The following TXNRD1 variants were observed in gnomAD, a reference collection of about 807,000 sequenced individuals.
The protein encoded by TXNRD1 is thioredoxin reductase 1, cytoplasmic.
TXNRD1 carries 57 observed loss-of-function variants against 80.3 expected under a neutral mutation model. That is an observed-to-expected ratio of 0.71 (90% confidence interval 0.57 to 0.89). TXNRD1 has a LOEUF of 0.89. Among genes scored for constraint, TXNRD1 ranks in the 40% least tolerant of loss-of-function variants. The pLI is 0.00. For synonymous variants in TXNRD1, 291 were observed against 285.2 expected, an observed-to-expected ratio of 1.02 and a Z score of -0.20; for missense variants, 730 against 803.0, an observed-to-expected ratio of 0.91 and a Z score of 1.10.
intron 1 of TXNRD1, among the ~76,000 whole-genome samples, chr12:104,246,483 A>T (rs564224017): frequency 4.0e-5 from 6 of 150,810 alleles, no homozygotes; most frequent in Non-Finnish European, 8.8e-5. Flanking sequence ...TCAAGTCATC[A>T]TTGCCATACT....
chr12:104,288,914 G>A lies in TXNRD1; in HGVS notation c.305-17G>A. ...AGAAGCACCTTACACGCTCCGCTCT[G>A]CTTTTGTGCCACACAGAGGACGGTC... On this transcript the variant is annotated splice_polypyrimidine_tract_variant and intron_variant, in intron 3 of 16. Transcript: ENST00000525566. 1 of 1,613,996 alleles carries A rather than the reference G, an allele frequency of 6.2e-7. No homozygotes were observed. The highest frequency in any genetic ancestry group is 8.5e-7 in the Non-Finnish European group (1 of 1,179,860).
At chr12:104,313,003 T>G (rs1036695615) in intron 5 of TXNRD1, among the ~76,000 whole-genome samples, 1 of 152,172 alleles carries the variant, frequency 6.6e-6, no homozygotes, top group Non-Finnish European at 1.5e-5. Context: ...TTCCAGCTGA[T>G]TCTAACAATT....
intron 4 of TXNRD1, chr12:104,304,756 G>C: frequency 1.9e-6 from 3 of 1,613,958 alleles, no homozygotes; most frequent in Non-Finnish European, 2.5e-6. Context: ...CAAGAATAAG[G>C]CTTGATGAAG....
At chr12:104,223,610 T>C (rs2032402531) in intron 1 of TXNRD1, among the ~76,000 whole-genome samples, 1 of 152,160 alleles carries the variant, frequency 6.6e-6, no homozygotes, top group Non-Finnish European at 1.5e-5. Context: ...CATGGGATCT[T>C]TCTAGATGTG....
chr12:104,315,131 T>C lies in TXNRD1; in HGVS notation c.611-646T>C, dbSNP rs143685351. Among the ~76,000 whole-genome samples the C allele has an allele frequency of 2.0e-3, 308 of 152,304 alleles. 1 individual carries two copies. The highest frequency in any genetic ancestry group is 3.3e-3 in the Non-Finnish European group (224 of 68,014). ...AACCCCTTTATCAGTTACCTCTGCATAGATTCAATGGCAAGTGCAGATGCT... is the reference window on the plus strand; with the variant it reads ...AACCCCTTTATCAGTTACCTCTGCACAGATTCAATGGCAAGTGCAGATGCT... On this transcript the variant is annotated intron_variant, in intron 6 of 16. Coordinates refer to ENST00000525566, the MANE Select transcript of TXNRD1 (RefSeq NM_001093771.3).
Position 104,251,619 on chromosome 12 carries a change from T to G in TXNRD1, c.184T>G (p.Tyr62Asp). ...TADSRALLQAYIDGHSVVIFS... is the reference protein window; with the variant it reads ...TADSRALLQADIDGHSVVIFS... Reference sequence around the variant, plus strand: ...AGACTCCAGAGCCCTGCTTCAGGCCTATATAGATGGTCACTCTGTGGTCAT... The same window carrying G: ...AGACTCCAGAGCCCTGCTTCAGGCCGATATAGATGGTCACTCTGTGGTCAT... The change falls in exon 2 of 17, where the codon TAT (tyrosine) becomes GAT (aspartate). Residue 62 changes from tyrosine to aspartate, a missense_variant. Coordinates refer to ENST00000525566, the MANE Select transcript of TXNRD1 (RefSeq NM_001093771.3). 6.2e-7 allele frequency: 1 copy of G among 1,613,952 alleles called. No individual in the cohort carries two copies.
chr12:104,280,062 CAAAAAA>C (rs34627940), intron 3 of TXNRD1, among the ~76,000 whole-genome samples: 1,773 of 84,624 alleles, frequency 0.021, 55 homozygotes, highest in African/African-American at 0.072. Context: ...GACTCTGTCT[CAAAAAA>C]AAAAAAAAAA....
intron 1 of TXNRD1, among the ~76,000 whole-genome samples, chr12:104,247,724 G>T (rs926028147): frequency 2.0e-5 from 3 of 152,042 alleles, no homozygotes; most frequent in African/African-American, 7.2e-5. Flanking sequence ...TCCTTTCCTT[G>T]TAATGGCCTT....
chr12:104,292,500 TCTC>T (rs1345075708), intron 4 of TXNRD1, among the ~76,000 whole-genome samples: 1 of 151,284 alleles, frequency 6.6e-6, no homozygotes, highest in African/African-American at 2.4e-5. Context: ...GTGGTGTGGT[TCTC>T]CTGCCTCAGC....
At chr12:104,303,094 A>T (rs1371593024) in intron 4 of TXNRD1, among the ~76,000 whole-genome samples, 1 of 151,040 alleles carries the variant, frequency 6.6e-6, no homozygotes, top group Non-Finnish European at 1.5e-5. Context: ...CTATTCTTCC[A>T]CTCCTGGGTA....
intron 16 of TXNRD1, among the ~76,000 whole-genome samples, chr12:104,347,072 GT>G (rs1410759799): frequency 6.6e-6 from 1 of 152,166 alleles, no homozygotes; most frequent in Non-Finnish European, 1.5e-5. Context: ...TCCAGCCTGG[GT>G]GACAGAGTGA....
At chr12:104,217,748 C>T (rs894818107) in intron 1 of TXNRD1, among the ~76,000 whole-genome samples, 5 of 152,018 alleles carry the variant, frequency 3.3e-5, no homozygotes. Context: ...TTGCCGTTTC[C>T]CCCAGCCCCT....
intron 3 of TXNRD1, among the ~76,000 whole-genome samples, chr12:104,285,242 G>T (rs2033946613): frequency 6.6e-6 from 1 of 152,076 alleles, no homozygotes; most frequent in South Asian, 2.1e-4. Context: ...AGAAGATGAG[G>T]TTCTTCTTCC....
At chr12:104,323,605 C>T (rs1332672178) in intron 10 of TXNRD1, among the ~76,000 whole-genome samples, 1 of 73,738 alleles carries the variant, frequency 1.4e-5, no homozygotes, top group Non-Finnish European at 2.7e-5. Context: ...CCCTCCCAGA[C>T]GGGGCGGCTG....
intron 4 of TXNRD1, among the ~76,000 whole-genome samples, chr12:104,308,562 T>C (rs10778321): frequency 0.49 from 74,901 of 151,954 alleles, 18,853 homozygotes; most frequent in East Asian, 0.62. Flanking sequence ...TAATTTCTAA[T>C]ATAGTAAATA....
At chr12:104,321,389 G>T in intron 10 of TXNRD1, 73 bp downstream of exon 10, 3 of 1,198,138 alleles carry the variant, frequency 2.5e-6, no homozygotes, top group Non-Finnish European at 3.7e-6. Flanking sequence ...TGAGTTGGTG[G>T]TAGAAGCATC....
intron 3 of TXNRD1, among the ~76,000 whole-genome samples, chr12:104,273,698 G>A (rs1450707356): frequency 5.3e-5 from 8 of 152,236 alleles, no homozygotes; most frequent in African/African-American, 1.7e-4. Flanking sequence ...CGACCTGCGC[G>A]TGGCAGCCTT....
At chr12:104,337,933 T>G (rs1350161695) in intron 15 of TXNRD1, among the ~76,000 whole-genome samples, 1 of 149,164 alleles carries the variant, frequency 6.7e-6, no homozygotes, top group African/African-American at 2.5e-5. Flanking sequence ...ACTACAGATG[T>G]GAGCCACTGT....
chr12:104,234,661 C>A (rs151232081), intron 1 of TXNRD1, among the ~76,000 whole-genome samples: 1,966 of 138,430 alleles, frequency 0.014, 36 homozygotes, highest in South Asian at 0.079. Context: ...AAAAAAGAAG[C>A]CTTCCAAAAT....
Sources: allele counts gnomAD v4.1 joint callset (sites outside exome capture counted in the v4.1 genomes callset), GRCh38; gene constraint gnomAD v4.1.1; transcripts MANE v1.5; gene names NCBI Gene and HGNC (gene_info 2026-07-23, HGNC 2026-07-21).